The following CHRNA5 variants were observed in gnomAD, a reference collection of about 807,000 sequenced individuals.
CHRNA5 encodes neuronal acetylcholine receptor subunit alpha-5.
A neutral mutation model predicts 41.2 loss-of-function variants in CHRNA5; 28 were observed. The observed-to-expected ratio is 0.68, with a 90% CI of 0.50 to 0.93. The LOEUF (loss-of-function observed/expected upper bound fraction) is 0.93. Among genes scored for constraint, CHRNA5 ranks in the 40% least tolerant of loss-of-function variants. The pLI is 0.00. For synonymous variants in CHRNA5, 188 were observed against 205.8 expected (o/e 0.91, Z 0.74); for missense variants, 481 against 581.9 (o/e 0.83, Z 1.78).
intron 1 of CHRNA5, among the ~76,000 whole-genome samples, chr15:78,580,467 G>C (rs1177251605): frequency 8.0e-6 from 1 of 125,652 alleles, no homozygotes; most frequent in Non-Finnish European, 1.7e-5. Context: ...AGTACTGAGT[G>C]TTTCTTAAGG....
At chr15:78,590,784 A>G in intron 5 of CHRNA5, 148 bp downstream of exon 5, 1 of 679,096 alleles carries the variant, frequency 1.5e-6, no homozygotes, top group Middle Eastern at 3.9e-4. Context: ...TTTTCTATAA[A>G]AGATCTTTAC....
chr15:78,572,119 CTT>C (rs1312282451), intron 1 of CHRNA5, among the ~76,000 whole-genome samples: 2 of 152,044 alleles, frequency 1.3e-5, no homozygotes, highest in Non-Finnish European at 1.5e-5. Flanking sequence ...CTCTTCAAAT[CTT>C]TTTAGATATA....
At chr15:78,570,111 C>T (rs7172118) in intron 1 of CHRNA5, among the ~76,000 whole-genome samples, 2 of 151,980 alleles carry the variant, frequency 1.3e-5, no homozygotes, top group Admixed American at 6.6e-5. Context: ...CGTGAGCCAC[C>T]GCGCCTGGCC....
chr15:78,589,697 T>C, intron 4 of CHRNA5, 108 bp from the exon 5 acceptor site: 1 of 855,184 alleles, frequency 1.2e-6, no homozygotes. Context: ...ATTTAAAAAT[T>C]ATTTCATGCA....
At chr15:78,591,855 G>C (rs1303696551) in intron 5 of CHRNA5, among the ~76,000 whole-genome samples, 2 of 152,168 alleles carry the variant, frequency 1.3e-5, no homozygotes, top group Non-Finnish European at 2.9e-5. Context: ...GTAGCATAAT[G>C]AAATTAGTTT....
chr15:78,577,195 C>A (rs1000509773), intron 1 of CHRNA5, among the ~76,000 whole-genome samples: 2 of 152,196 alleles, frequency 1.3e-5, no homozygotes, highest in Admixed American at 1.3e-4. Flanking sequence ...AGGTGCCCCT[C>A]AGAGCCCTGC....
intron 1 of CHRNA5, among the ~76,000 whole-genome samples, chr15:78,578,235 C>T (rs978915515): frequency 2.0e-5 from 3 of 152,194 alleles, no homozygotes; most frequent in Non-Finnish European, 4.4e-5. Context: ...CTGCCTGGCG[C>T]AGTGGCTCAC....
chr15:78,589,786 TTA>T lies in CHRNA5; in HGVS notation c.414-15_414-14del, dbSNP rs1294463958. 1 of 1,512,354 alleles carries T rather than the reference TTA, an allele frequency of 6.6e-7. No homozygotes were observed. Among genetic ancestry groups the T allele is most frequent in the South Asian group, 1.3e-5 (1 of 77,272 alleles). The allele number at this position is 1,512,354 out of a possible 1,614,324, so 93.7% of individuals were successfully genotyped here. Reference sequence around the variant, plus strand: ...ATTGTTTAATTTCTGCATTGTTATTTTATATGTGTGTATTTTAGTGCAGATGG... The same window carrying T: ...ATTGTTTAATTTCTGCATTGTTATTTTATGTGTGTATTTTAGTGCAGATGG... On this transcript the variant is annotated splice_polypyrimidine_tract_variant and intron_variant, in intron 4 of 5. Coordinates refer to ENST00000299565, the Ensembl canonical transcript of CHRNA5.
intron 2 of CHRNA5, among the ~76,000 whole-genome samples, chr15:78,586,223 C>T (rs56160480): frequency 0.013 from 1,914 of 152,314 alleles, 15 homozygotes; most frequent in Non-Finnish European, 0.018. Context: ...CTAAGAAGCA[C>T]ACTTTTCCGC....
chr15:78,575,003 T>C lies in CHRNA5; in HGVS notation c.107-5808T>C, dbSNP rs74248586. Among the ~76,000 whole-genome samples the C allele has an allele frequency of 9.5e-3, 1,423 of 150,050 alleles. 151 individuals are homozygous for C. In the East Asian group the frequency reaches 0.25, roughly 26 times the overall value. On this transcript the variant is annotated intron_variant, in intron 1 of 5. Coordinates refer to ENST00000299565, the Ensembl canonical transcript of CHRNA5. ...AAAAAAAAAAAGGAAAGGAAAAAAA[T>C]TGTGGCTTATGGATGGAGGTTAACA... is the stretch of plus-strand genomic sequence containing the variant.
At chr15:78,575,081 G>A (rs2052845085) in intron 1 of CHRNA5, among the ~76,000 whole-genome samples, 1 of 151,892 alleles carries the variant, frequency 6.6e-6, no homozygotes, top group Admixed American at 6.6e-5. Flanking sequence ...TTGCAGTTCT[G>A]TGTCCTTTCC....
chr15:78,590,852 C>T, intron 5 of CHRNA5: 1 of 535,730 alleles, frequency 1.9e-6, no homozygotes, highest in South Asian at 2.5e-5. Flanking sequence ...AATCTCACTT[C>T]TCCACTTCCC....
chr15:78,595,255 A>G, exon 6 of CHRNA5: 1 of 979,424 alleles, frequency 1.0e-6, no homozygotes, highest in South Asian at 4.7e-5. Flanking sequence ...TTTTATATAT[A>G]AATTTTTATC....
At chr15:78,573,963 A>ATTTTTTTTTTTTTTTTT (rs979485573) in intron 1 of CHRNA5, among the ~76,000 whole-genome samples, 6 of 102,098 alleles carry the variant, frequency 5.9e-5, no homozygotes, top group Admixed American at 1.1e-4. Flanking sequence ...CGCCTGGCTA[A>ATTTTTTTTTTTTTTTTT]TTTTTTTTTT....
exon 5 of CHRNA5, chr15:78,589,816 G>A (rs200320233): frequency 1.9e-6 from 3 of 1,579,800 alleles, no homozygotes; most frequent in Non-Finnish European, 2.6e-6. Context: ...GCAGATGGAC[G>A]TTTTGAAGGG....
At chr15:78,594,854 A>G (rs1308552189) in exon 6 of CHRNA5, 2 of 152,236 alleles carry the variant, frequency 1.3e-5, no homozygotes, top group Non-Finnish European at 2.9e-5. Context: ...GATGTAATCA[A>G]TCTTAGCCTA....
At chr15:78,577,345 T>C (rs2052868053) in intron 1 of CHRNA5, among the ~76,000 whole-genome samples, 1 of 152,180 alleles carries the variant, frequency 6.6e-6, no homozygotes, top group African/African-American at 2.4e-5. Flanking sequence ...TACAGCCAGC[T>C]AAAAAAGCAT....
At chr15:78,580,627 C>A (rs2052903062) in intron 1 of CHRNA5, among the ~76,000 whole-genome samples, 184 bp from the exon 2 acceptor site, 1 of 151,636 alleles carries the variant, frequency 6.6e-6, no homozygotes, top group African/African-American at 2.4e-5. Context: ...CATTAATAAT[C>A]TGAACTTTTT....
chr15:78,585,727 CT>C (rs2052953149), intron 2 of CHRNA5, among the ~76,000 whole-genome samples: 2 of 151,342 alleles, frequency 1.3e-5, no homozygotes. Flanking sequence ...GCACGAAAAG[CT>C]TTATGAAATT....
Sources: allele counts gnomAD v4.1 joint callset (sites outside exome capture counted in the v4.1 genomes callset), GRCh38; gene constraint gnomAD v4.1.1; transcripts MANE v1.5; gene names NCBI Gene and HGNC (gene_info 2026-07-23, HGNC 2026-07-21).